The following TMEM50B variants were observed in gnomAD, a reference collection of about 807,000 sequenced individuals.
TMEM50B encodes the protein HCV p7-trans-regulated protein 3.
A neutral mutation model predicts 23.4 loss-of-function variants in TMEM50B; 14 were observed. The ratio of observed to expected loss-of-function variants is 0.60; its 90% confidence interval spans 0.39 to 0.93. The LOEUF (loss-of-function observed/expected upper bound fraction) is 0.93. TMEM50B is among the 40% of genes least tolerant of loss of function. The pLI is 0.00. For synonymous variants in TMEM50B, 64 were observed against 62.3 expected, an observed-to-expected ratio of 1.03 and a Z score of -0.13; for missense variants, 159 against 193.0, an observed-to-expected ratio of 0.82 and a Z score of 1.04.
chr21:33,438,275 A>G (rs1382406121), intron 8 of TMEM50B, among the ~76,000 whole-genome samples: 2 of 152,212 alleles, frequency 1.3e-5, no homozygotes, highest in Non-Finnish European at 2.9e-5. Flanking sequence ...TTGGCAACAG[A>G]GCAAGAGACC....
Position 33,439,866 on chromosome 21 carries a change from C to T in TMEM50B, c.*2037-569G>A, listed in dbSNP as rs566554595. On this transcript the variant is annotated intron_variant and NMD_transcript_variant, in intron 7 of 8. Coordinates refer to the TMEM50B transcript ENST00000420455. The stretch of plus-strand genomic sequence containing the variant: ...TTTGAGACAAGCCTGGTCAACATGG[C>T]GAAAACCTGTTTCTATTAAAAATAC... 8.6e-5 allele frequency among the ~76,000 whole-genome samples: 13 copies of T among 151,318 alleles called. No individual in the cohort carries two copies. The South Asian group carries it at 1.5e-3, about 17-fold the overall frequency.
intron 8 of TMEM50B, among the ~76,000 whole-genome samples, chr21:33,434,417 G>A (rs559490734): frequency 6.6e-6 from 1 of 152,302 alleles, no homozygotes; most frequent in South Asian, 2.1e-4. Flanking sequence ...AGCTACATGA[G>A]AGGCTGAGGC....
At chr21:33,472,734 T>C (rs2084329214) in intron 1 of TMEM50B, among the ~76,000 whole-genome samples, 2 of 151,724 alleles carry the variant, frequency 1.3e-5, no homozygotes, top group African/African-American at 4.8e-5. Context: ...AAACTGGGTG[T>C]GATGGCACAT....
intron 8 of TMEM50B, chr21:33,437,261 A>G (rs548556490): frequency 2.8e-6 from 1 of 352,254 alleles, no homozygotes; most frequent in East Asian, 6.4e-5. Context: ...GATATGACAC[A>G]TCTCTGATAC....
At chr21:33,440,958 G>A (rs373807191) in intron 7 of TMEM50B, among the ~76,000 whole-genome samples, 1 of 151,836 alleles carries the variant, frequency 6.6e-6, no homozygotes, top group South Asian at 2.1e-4. Context: ...GGCAGGGCAC[G>A]GCGGCTCACA....
At chr21:33,436,744 A>AT (rs2083957531) in intron 8 of TMEM50B, 1 of 1,144,710 alleles carries the variant, frequency 8.7e-7, no homozygotes, top group Non-Finnish European at 1.3e-6. Flanking sequence ...AATAAAAATA[A>AT]AATAAAAACA....
intron 1 of TMEM50B, among the ~76,000 whole-genome samples, chr21:33,471,348 TA>T (rs35535931): frequency 0.41 from 62,737 of 151,672 alleles, 15,016 homozygotes; most frequent in Non-Finnish European, 0.54. Context: ...CAATATATAC[TA>T]AAAAAAAATC....
At position 33,449,151 on chromosome 21, in the gene TMEM50B, G is replaced by A. The variant is rs1201919484; in HGVS notation, c.*1667C>T. The stretch of plus-strand genomic sequence containing the variant: ...ACAACAATATTAAACTGTATGAGAA[G>A]TAATATTTATTGCAACAGGTTATGA... On this transcript the variant is annotated 3_prime_UTR_variant, in exon 7 of 7. Transcript: ENST00000542230. 1 of 152,150 alleles carries A rather than the reference G, an allele frequency of 6.6e-6. No individual in the cohort carries two copies. Among genetic ancestry groups the A allele is most frequent in the Non-Finnish European group, 1.5e-5 (1 of 68,042 alleles). 9.4% of individuals were successfully genotyped at this position (152,150 alleles called of 1,614,324 possible). A position where few individuals can be genotyped will look rare whatever the true frequency, so the allele number is the denominator to read the frequency against.
At chr21:33,477,577 C>T (rs1449181190) in intron 1 of TMEM50B, among the ~76,000 whole-genome samples, 1 of 148,342 alleles carries the variant, frequency 6.7e-6, no homozygotes, top group Non-Finnish European at 1.5e-5. Flanking sequence ...TGGCTCACGT[C>T]TGTAATCCCA....
intron 4 of TMEM50B, among the ~76,000 whole-genome samples, chr21:33,464,583 A>T (rs1404080933): frequency 6.7e-6 from 1 of 148,600 alleles, no homozygotes; most frequent in Non-Finnish European, 1.5e-5. Flanking sequence ...AGGTGGGTGG[A>T]TCACCTGAGG....
intron 4 of TMEM50B, among the ~76,000 whole-genome samples, chr21:33,463,293 A>G (rs2084233997): frequency 6.6e-6 from 1 of 152,256 alleles, no homozygotes; most frequent in South Asian, 2.1e-4. Context: ...CTCCGTCTCA[A>G]ACAAAATAAA....
chr21:33,454,576 C>A (rs747425885), intron 6 of TMEM50B, among the ~76,000 whole-genome samples: 1 of 152,102 alleles, frequency 6.6e-6, no homozygotes, highest in African/African-American at 2.4e-5. Flanking sequence ...GCTGGGATTA[C>A]AGACATGAGC....
intron 4 of TMEM50B, 197 bp downstream of exon 4, chr21:33,465,145 A>T (rs2084254199): frequency 4.2e-6 from 2 of 480,946 alleles, no homozygotes; most frequent in Admixed American, 7.9e-5. Context: ...GCAGTGTAAC[A>T]TGACAAAAAC....
intron 6 of TMEM50B, 62 bp downstream of exon 6, chr21:33,455,665 C>T: frequency 1.5e-6 from 2 of 1,348,564 alleles, no homozygotes. Context: ...ATATATGCTG[C>T]CTTAATTAAG....
chr21:33,448,438 G>A (rs1047511777), downstream of TMEM50B, among the ~76,000 whole-genome samples: 1 of 152,052 alleles, frequency 6.6e-6, no homozygotes, highest in African/African-American at 2.4e-5. Flanking sequence ...GTTGAGACCA[G>A]TTCACCCAGA....
intron 8 of TMEM50B, among the ~76,000 whole-genome samples, chr21:33,434,054 G>C (rs2083918582): frequency 6.6e-6 from 1 of 152,108 alleles, no homozygotes; most frequent in East Asian, 1.9e-4. Flanking sequence ...ATTGCCCAGT[G>C]GGTATTGCTA....
chr21:33,438,782 C>T (rs947187981), intron 8 of TMEM50B, among the ~76,000 whole-genome samples: 6 of 151,630 alleles, frequency 4.0e-5, no homozygotes, highest in Non-Finnish European at 7.4e-5. Context: ...CAGGCTGGAG[C>T]GCAGTGGCGC....
downstream of TMEM50B, chr21:33,449,089 C>G (rs2084093311): frequency 6.6e-6 from 1 of 152,098 alleles, no homozygotes; most frequent in Admixed American, 6.5e-5. Context: ...GAAAACTGAA[C>G]AGCAAATCAA....
downstream of TMEM50B, among the ~76,000 whole-genome samples, chr21:33,446,679 C>CAAAAAAAAAAAAAA (rs1409384682): frequency 3.9e-5 from 4 of 102,360 alleles, no homozygotes; most frequent in Non-Finnish European, 5.7e-5. Flanking sequence ...AAAAAAAAAA[C>CAAAAAAAAAAAAAA]CTCTAAGAAA....
Sources: gnomAD v4.1 joint callset for allele counts (sites outside exome capture counted in the v4.1 genomes callset) on GRCh38, gnomAD v4.1.1 for gene constraint, MANE v1.5 for transcripts, NCBI Gene and HGNC (gene_info 2026-07-23, HGNC 2026-07-21) for gene names.